DDX56: variants seen among roughly 807,000 people sequenced by gnomAD.
DDX56 encodes the protein probable ATP-dependent RNA helicase DDX56.
Under a neutral mutation model 61.5 loss-of-function variants are expected in DDX56, and 45 were observed. That is an observed-to-expected ratio of 0.73 (90% CI 0.58 to 0.94). DDX56 has a LOEUF of 0.94. DDX56 is among the 40% of genes least tolerant of loss of function. The pLI is 0.00. For missense variants in DDX56, 708 were observed against 690.7 expected (o/e 1.02, Z -0.28); for synonymous variants, 273 against 268.3 (o/e 1.02, Z -0.17).
chr7:44,568,329 G>A, intron 11 of DDX56, 106 bp from the exon 12 acceptor site: 1 of 778,772 alleles, frequency 1.3e-6, no homozygotes, highest in Non-Finnish European at 2.0e-6. Flanking sequence ...AAAGGCATGA[G>A]GCAGCTGCTT....
At chr7:44,569,775 C>A in intron 9 of DDX56, 34 bp downstream of exon 9, 1 of 1,559,484 alleles carries the variant, frequency 6.4e-7, no homozygotes, top group Non-Finnish European at 8.8e-7. Context: ...AGAAGCCTGA[C>A]CCTGGCCCAG....
Position 44,570,035 on chromosome 7 carries a change from G to A in DDX56, c.1104C>T (p.Ala368=). 1 of 1,614,214 alleles carries A rather than the reference G, an allele frequency of 6.2e-7. No homozygotes were observed. The highest frequency in any genetic ancestry group is 1.3e-5 in the African/African-American group (1 of 75,064). ...LNFDLPPTPE[A]YIHRAGRTAR... is the part of the protein sequence containing the mutation. ...ACTACCTGCCAGCTCGATGGATGTA[G>A]GCCTCAGGGGTTGGGGGAAGATCAA... is the stretch of plus-strand genomic sequence containing the variant. Residue 368 remains alanine (A), a synonymous_variant, in exon 8 of 14, where the codon GCC becomes GCT. Coordinates refer to ENST00000258772, the MANE Select transcript of DDX56 (RefSeq NM_019082.4).
chr7:44,566,287 A>G, intron 13 of DDX56, 161 bp downstream of exon 13: 1 of 768,028 alleles, frequency 1.3e-6, no homozygotes, highest in Non-Finnish European at 2.2e-6. Context: ...CCCCTATCCC[A>G]CACCAGATTT....
intron 4 of DDX56, 33 bp from the exon 5 acceptor site, chr7:44,572,470 C>T: frequency 2.5e-6 from 4 of 1,613,372 alleles, no homozygotes; most frequent in Non-Finnish European, 3.4e-6. Flanking sequence ...GATTCCAGCT[C>T]CAAGGGCCGC....
intron 12 of DDX56, among the ~76,000 whole-genome samples, chr7:44,567,465 T>A (rs531154643): frequency 6.6e-6 from 1 of 152,148 alleles, no homozygotes; most frequent in Non-Finnish European, 1.5e-5. Context: ...ACACCTCCTA[T>A]GAGACACTGA....
Position 44,572,676 on chromosome 7 carries a change from T to G in DDX56, c.452A>C (p.Gln151Pro). Residue 151 changes from glutamine to proline, a missense_variant, in exon 4 of 14, where the codon CAA becomes CCA. By Grantham distance (76) the Gln-to-Pro change is moderately conservative. Transcript: ENST00000258772. ...GGAGTCACGAAGTTTCAGGCTGTCT[T>G]GCTGCAAGTGGCTTAATATGCGAGA... ...TPSRILSHLQQDSLKLRDSLE... is the reference protein window; with the variant it reads ...TPSRILSHLQPDSLKLRDSLE... The G allele has an allele frequency of 1.2e-6, 2 of 1,614,218 alleles. No homozygotes were observed. The highest frequency in any genetic ancestry group is 1.7e-6 in the Non-Finnish European group (2 of 1,180,040).
At position 44,571,742 on chromosome 7, in the gene DDX56, G is replaced by A. The variant is rs754433166; in HGVS notation, c.646-6C>T. The A allele has an allele frequency of 6.2e-7, 1 of 1,613,292 alleles. No homozygotes were observed. The highest frequency in any genetic ancestry group is 1.3e-5 in the African/African-American group (1 of 74,888). On this transcript the variant is annotated splice_polypyrimidine_tract_variant and splice_region_variant and intron_variant, in intron 5 of 13. Transcript: ENST00000258772. ...TCCTGTAACTTAAGGGTAACCTGGGGGAGAAAACAGGCCTGTGGTCAGAAA... is the reference window on the plus strand; with the variant it reads ...TCCTGTAACTTAAGGGTAACCTGGGAGAGAAAACAGGCCTGTGGTCAGAAA...
intron 13 of DDX56, 24 bp downstream of exon 13, chr7:44,566,424 G>A: frequency 6.5e-7 from 1 of 1,534,944 alleles, no homozygotes; most frequent in Non-Finnish European, 8.8e-7. Flanking sequence ...TCCTGGGGCT[G>A]TCCGCAGTCC....
intron 13 of DDX56, 28 bp downstream of exon 13, chr7:44,566,420 G>C: frequency 6.5e-7 from 1 of 1,532,690 alleles, no homozygotes; most frequent in Non-Finnish European, 8.8e-7. Flanking sequence ...GGAGTCCTGG[G>C]GCTGTCCGCA....
At chr7:44,567,845 C>G (rs533810900) in intron 12 of DDX56, 1 of 507,876 alleles carries the variant, frequency 2.0e-6, no homozygotes, top group African/African-American at 1.9e-5. Flanking sequence ...CTGGAGACGA[C>G]CTGGCCTGAA....
intron 12 of DDX56, chr7:44,567,643 C>G (rs1802576158): frequency 4.6e-6 from 1 of 218,120 alleles, no homozygotes; most frequent in African/African-American, 2.4e-5. Context: ...CTCTTGCTAC[C>G]TTGTCGGTTT....
Position 44,571,675 on chromosome 7 carries a change from A to G in DDX56, c.707T>C (p.Val236Ala). The change falls in exon 6 of 14, where the codon GTG becomes GCG. Residue 236 changes from valine (V) to alanine (A), a missense_variant. By Grantham distance (64) the Val-to-Ala change is moderately conservative (BLOSUM62 0). Coordinates refer to ENST00000258772, the MANE Select transcript of DDX56 (RefSeq NM_019082.4). ...PGPDQLQQFQ[V>A]VCETEEDKFL... ...TTTGTCTTCCTCAGTCTCACAGACC[A>G]CCTGAAACTGCTGTAACTGGTCTGG... is the stretch of plus-strand genomic sequence containing the variant. 1 of 1,614,116 alleles carries G rather than the reference A, an allele frequency of 6.2e-7. No homozygotes were observed. The highest frequency in any genetic ancestry group is 8.5e-7 in the Non-Finnish European group (1 of 1,180,028).
chr7:44,573,132 AC>A, intron 2 of DDX56, 82 bp from the exon 3 acceptor site: 2 of 1,314,350 alleles, frequency 1.5e-6, no homozygotes, highest in Non-Finnish European at 1.0e-6. Flanking sequence ...AGCCTACCTG[AC>A]CCATCTGCTG....
intron 7 of DDX56, among the ~76,000 whole-genome samples, 174 bp from the exon 8 acceptor site, chr7:44,570,302 G>A (rs1314411284): frequency 1.3e-5 from 2 of 152,208 alleles, no homozygotes; most frequent in Non-Finnish European, 2.9e-5. Flanking sequence ...GCAGCCTGGA[G>A]CTTTGACATG....
chr7:44,572,642 A>C lies in DDX56; in HGVS notation c.486T>G (p.Leu162=). The C allele has an allele frequency of 6.2e-7, 1 of 1,614,098 alleles. No homozygotes were observed. Among genetic ancestry groups the C allele is most frequent in the Non-Finnish European group, 8.5e-7 (1 of 1,180,010 alleles). The change falls in exon 4 of 14, where the codon CTT becomes CTG. Residue 162 remains leucine (L), a synonymous_variant. Transcript: ENST00000258772. ...GAAGGTCAGCTTCGTCCACCACCAA[A>C]AGCTCCAGGGAGTCACGAAGTTTCA... is the stretch of plus-strand genomic sequence containing the variant. ...DSLKLRDSLE[L]LVVDEADLLF...
intron 9 of DDX56, among the ~76,000 whole-genome samples, chr7:44,569,530 C>A (rs1802621127): frequency 6.6e-6 from 1 of 152,012 alleles, no homozygotes; most frequent in African/African-American, 2.4e-5. Flanking sequence ...CCAGGACCAC[C>A]CAGCACCCTG....
chr7:44,573,645 C>G lies in DDX56; in HGVS notation c.160G>C (p.Gly54Arg). Residue 54 changes from glycine (G) to arginine (R), a missense_variant, in exon 2 of 14, where the codon GGC becomes CGC. Coordinates refer to ENST00000258772, the MANE Select transcript of DDX56 (RefSeq NM_019082.4). ...GCATAAGCGGCCGTCTTCCCGGAGC[C>G]CGTGCGGGCCCGAGCCAGGAGGTCC... Reference protein sequence around the residue: ...GKDLLARARTGSGKTAAYAIP... With the variant: ...GKDLLARARTRSGKTAAYAIP... 1 of 1,613,756 alleles carries G rather than the reference C, an allele frequency of 6.2e-7. No individual in the cohort carries two copies. Among genetic ancestry groups the G allele is most frequent in the Non-Finnish European group, 8.5e-7 (1 of 1,180,032 alleles).
intron 7 of DDX56, 97 bp downstream of exon 7, chr7:44,570,661 T>G: frequency 6.8e-7 from 1 of 1,468,496 alleles, no homozygotes; most frequent in Non-Finnish European, 9.2e-7. Context: ...GCCTGGAAGG[T>G]TTGGCTCCCT....
At chr7:44,566,870 G>A (rs971816063) in intron 12 of DDX56, among the ~76,000 whole-genome samples, 4 of 152,082 alleles carry the variant, frequency 2.6e-5, no homozygotes, top group African/African-American at 9.7e-5. Flanking sequence ...CATCCCAGCT[G>A]CACCTGATCT....
Sources: gnomAD v4.1 joint callset for allele counts (sites outside exome capture counted in the v4.1 genomes callset) on GRCh38, gnomAD v4.1.1 for gene constraint, MANE v1.5 for transcripts, NCBI Gene and HGNC (gene_info 2026-07-23, HGNC 2026-07-21) for gene names.